The following KIAA1614 variants were observed in gnomAD, a reference collection of about 807,000 sequenced individuals.
The protein encoded by KIAA1614 is KIAA1614.
In KIAA1614, 76 loss-of-function variants were observed where a neutral mutation model predicts 88.7. The ratio of observed to expected loss-of-function variants is 0.86; its 90% CI spans 0.71 to 1.04. KIAA1614 has a LOEUF of 1.04. Ranked by LOEUF, KIAA1614 falls within the 50% of genes least tolerant of loss-of-function variation. The probability of loss-of-function intolerance (pLI) is 0.00; values close to 1 mark genes in which losing one functional copy is unlikely to be tolerated. For missense variants in KIAA1614, 1,553 were observed against 1,582.5 expected (o/e 0.98, Z 0.32); for synonymous variants, 714 against 675.5 (o/e 1.06, Z -0.88).
chr1:180,916,507 T>C lies in KIAA1614; in HGVS notation c.404T>C (p.Leu135Pro). 1 of 1,614,066 alleles carries C rather than the reference T, an allele frequency of 6.2e-7. No homozygotes were observed. Among genetic ancestry groups the C allele is most frequent in the Non-Finnish European group, 8.5e-7 (1 of 1,180,030 alleles). Reference sequence around the variant, plus strand: ...GGGACTCCATCAGAGGGGTCTTTCCTGCCAGGTGCTGTGGTGGCTCCTCGT... The same window carrying C: ...GGGACTCCATCAGAGGGGTCTTTCCCGCCAGGTGCTGTGGTGGCTCCTCGT... ...RAGTPSEGSF[L>P]PGAVVAPRTQ... The change falls in exon 2 of 9, where the codon CTG becomes CCG. Residue 135 changes from leucine to proline, a missense_variant. By Grantham distance (98) the Leu-to-Pro change is moderately conservative (BLOSUM62 -3). Coordinates refer to ENST00000367588, the MANE Select transcript of KIAA1614 (RefSeq NM_020950.2).
intron 4 of KIAA1614, among the ~76,000 whole-genome samples, chr1:180,933,189 C>T (rs1014068545): frequency 1.3e-5 from 2 of 152,136 alleles, no homozygotes; most frequent in Non-Finnish European, 2.9e-5. Flanking sequence ...AAATAGAAGT[C>T]AAATGCTACT....
At position 180,944,453 on chromosome 1, in the gene KIAA1614, G is replaced by T. The variant is rs1654539221; in HGVS notation, c.3224G>T (p.Ser1075Ile). 1.2e-6 allele frequency: 2 copies of T among 1,613,886 alleles called. No homozygotes were observed. The highest frequency in any genetic ancestry group is 2.7e-5 in the African/African-American group (2 of 74,938). The part of the protein sequence containing the change: ...SFQNLHSLLS[S>I]KGNRSSLYLV... The stretch of plus-strand genomic sequence containing the variant: ...CAGAACCTCCATTCTCTGCTGAGCA[G>T]CAAGGGGAACCGGTCCAGCCTCTAC... The change falls in exon 8 of 9, where the codon AGC becomes ATC. Residue 1075 changes from serine to isoleucine, a missense_variant. Transcript: ENST00000367588.
chr1:180,949,158 G>A lies in KIAA1614; in HGVS notation c.*3570G>A, dbSNP rs927338618. The A allele has an allele frequency of 3.3e-5, 5 of 152,346 alleles. No homozygotes were observed. The highest frequency in any genetic ancestry group is 1.2e-4 in the African/African-American group (5 of 41,474). 9.4% of individuals were successfully genotyped at this position (152,346 alleles called of 1,614,324 possible). ...AAGGAAGTGAAGACAGTAACGCGTG[G>A]GCAGTGGCCTCATGTCTGAAATGCA... On this transcript the variant is annotated 3_prime_UTR_variant, in exon 9 of 9. Coordinates refer to ENST00000367588, the MANE Select transcript of KIAA1614 (RefSeq NM_020950.2).
At chr1:180,927,639 C>T (rs1475164101) in intron 3 of KIAA1614, among the ~76,000 whole-genome samples, 2 of 152,186 alleles carry the variant, frequency 1.3e-5, no homozygotes, top group African/African-American at 4.8e-5. Flanking sequence ...GGCTGTATGT[C>T]ACTGGCTGAG....
At position 180,936,566 on chromosome 1, in the gene KIAA1614, C is replaced by A; in HGVS notation, c.2657C>A (p.Pro886His). The A allele has an allele frequency of 6.2e-7, 1 of 1,613,660 alleles. No individual in the cohort carries two copies. Among genetic ancestry groups the A allele is most frequent in the Non-Finnish European group, 8.5e-7 (1 of 1,179,970 alleles). ...LSTNNCNNSA[P>H]RGLQEPYGGA... ...ACCAACAACTGCAACAACAGCGCAC[C>A]TCGGGGGCTGCAGGAGCCCTACGGG... The change falls in exon 5 of 9, where the codon CCT becomes CAT. Residue 886 changes from proline (P) to histidine (H), a missense_variant. Pro to His is a moderately conservative substitution (Grantham distance 77). Coordinates refer to ENST00000367588, the MANE Select transcript of KIAA1614 (RefSeq NM_020950.2).
chr1:180,920,088 G>A (rs1653920781), intron 3 of KIAA1614, among the ~76,000 whole-genome samples: 1 of 152,212 alleles, frequency 6.6e-6, no homozygotes, highest in Non-Finnish European at 1.5e-5. Flanking sequence ...TTGGCGCTCT[G>A]CAGTGAGGTC....
chr1:180,943,435 T>A (rs2102276642), intron 7 of KIAA1614, among the ~76,000 whole-genome samples: 1 of 138,514 alleles, frequency 7.2e-6, no homozygotes, highest in African/African-American at 2.7e-5. Context: ...GCACACCATG[T>A]ACACAGCAGC....
intron 6 of KIAA1614, among the ~76,000 whole-genome samples, chr1:180,940,634 CTTTT>C (rs1284277485): frequency 1.3e-5 from 2 of 151,552 alleles, no homozygotes; most frequent in Non-Finnish European, 2.9e-5. Context: ...TTTTTTCTTT[CTTTT>C]CTTTTCTTTT....
rs755766194 is a variant in KIAA1614 at position 180,942,001 on chromosome 1, GC to G, written c.3159+720del. On this transcript the variant is annotated intron_variant, in intron 7 of 8. Coordinates refer to ENST00000367588, the MANE Select transcript of KIAA1614 (RefSeq NM_020950.2). ...ACTCATCCATCTACTGCAGGCACAC[GC>G]CCCTCAGGGAGCCGCTCCCAATCCT... 2.6e-5 allele frequency among the ~76,000 whole-genome samples: 4 copies of G among 152,098 alleles called. No individual in the cohort carries two copies. The South Asian group carries it at 8.3e-4, about 32-fold the overall frequency.
intron 3 of KIAA1614, among the ~76,000 whole-genome samples, chr1:180,920,463 C>G (rs539488940): frequency 6.6e-6 from 1 of 152,348 alleles, no homozygotes; most frequent in East Asian, 1.9e-4. Flanking sequence ...GGACATCAGT[C>G]AGGACGTGCT....
chr1:180,945,547 G>A lies in KIAA1614; in HGVS notation c.3532G>A (p.Ala1178Thr), dbSNP rs1654573717. 6.2e-7 allele frequency: 1 copy of A among 1,613,602 alleles called. No homozygotes were observed. The highest frequency in any genetic ancestry group is 8.5e-7 in the Non-Finnish European group (1 of 1,179,938). ...GGGCGGCCTTAGCAAACAAGGCAGG[G>A]CCTTCTGGCTGTGGTCAGAGGCTTT... ...GWGGLSKQGR[A>T]FWLWSEAFLV... Residue 1178 changes from alanine to threonine, a missense_variant, in exon 9 of 9, where the codon GCC (alanine) becomes ACC (threonine). Ala to Thr is a moderately conservative substitution (Grantham distance 58). Transcript: ENST00000367588.
rs1571306307 is a variant in KIAA1614 at position 180,949,303 on chromosome 1, A to C, written c.*3715A>C. On this transcript the variant is annotated 3_prime_UTR_variant, in exon 9 of 9. Coordinates refer to ENST00000367588, the MANE Select transcript of KIAA1614 (RefSeq NM_020950.2). ...GCCCCGCAGTCCCTCCAGCAAACTCAGCTTGTGTCTCAGCCCCTGTGTCCA... is the reference window on the plus strand; with the variant it reads ...GCCCCGCAGTCCCTCCAGCAAACTCCGCTTGTGTCTCAGCCCCTGTGTCCA... 2.0e-5 allele frequency: 3 copies of C among 152,384 alleles called. No homozygotes were observed. The South Asian group carries it at 6.2e-4, about 31-fold the overall frequency. 9.4% of individuals were successfully genotyped at this position (152,384 alleles called of 1,614,324 possible).
At position 180,945,742 on chromosome 1, in the gene KIAA1614, G is replaced by C; in HGVS notation, c.*154G>C. ...GCAGCTGAGAGTGCGTTGGTGGGGAGTGTGCGGGAGGGGGTAGAGTTGGCA... is the reference window on the plus strand; with the variant it reads ...GCAGCTGAGAGTGCGTTGGTGGGGACTGTGCGGGAGGGGGTAGAGTTGGCA... On this transcript the variant is annotated 3_prime_UTR_variant, in exon 9 of 9. Transcript: ENST00000367588. 2 of 1,378,254 alleles carry C rather than the reference G, an allele frequency of 1.5e-6. No homozygotes were observed. The highest frequency in any genetic ancestry group is 1.9e-6 in the Non-Finnish European group (2 of 1,076,816). The allele number at this position is 1,378,254 out of a possible 1,614,324, so 85.4% of individuals were successfully genotyped here. A position where few individuals can be genotyped will look rare whatever the true frequency, so the allele number is the denominator to read the frequency against.
chr1:180,944,551 C>CA (rs1349878588), intron 8 of KIAA1614, 35 bp downstream of exon 8: 5 of 1,603,972 alleles, frequency 3.1e-6, no homozygotes, highest in Non-Finnish European at 4.3e-6. Flanking sequence ...AGGATAAACT[C>CA]AGAGAGTGAC....
intron 7 of KIAA1614, among the ~76,000 whole-genome samples, chr1:180,942,375 G>A (rs1007680046): frequency 4.6e-5 from 7 of 152,232 alleles, no homozygotes; most frequent in Non-Finnish European, 1.0e-4. Flanking sequence ...AGTTCAGGTG[G>A]TCTGTTTCTC....
Position 180,946,684 on chromosome 1 carries a change from G to T in KIAA1614, c.*1096G>T, listed in dbSNP as rs1027574508. 3 of 152,240 alleles carry T rather than the reference G, an allele frequency of 2.0e-5. No homozygotes were observed. Among genetic ancestry groups the T allele is most frequent in the Non-Finnish European group, 2.9e-5 (2 of 68,050 alleles). 9.4% of individuals were successfully genotyped at this position (152,240 alleles called of 1,614,324 possible). On this transcript the variant is annotated 3_prime_UTR_variant, in exon 9 of 9. Coordinates refer to ENST00000367588, the MANE Select transcript of KIAA1614 (RefSeq NM_020950.2). ...CTGCGGCCGGGCTCTGCCGATGGGG[G>T]GTTGAGTCCTGTGCTTTGATCTCCT...
intron 4 of KIAA1614, among the ~76,000 whole-genome samples, chr1:180,932,092 T>G (rs943652500): frequency 1.3e-5 from 2 of 152,086 alleles, no homozygotes; most frequent in African/African-American, 4.8e-5. Context: ...TAGATACAAG[T>G]ACAGGTAGGG....
rs575936840 is a variant in KIAA1614 at position 180,947,217 on chromosome 1, G to A, written c.*1629G>A. 6.6e-6 allele frequency: 1 copy of A among 152,532 alleles called. No individual in the cohort carries two copies. Among genetic ancestry groups the A allele is most frequent in the African/African-American group, 2.4e-5 (1 of 41,586 alleles). The allele number at this position is 152,532 out of a possible 1,614,324, so 9.4% of individuals were successfully genotyped here. ...GGGTCAGGCTGGACACTGCAGAGCA[G>A]GCAACGGGTTGGGAGGAGCAGAGTT... On this transcript the variant is annotated 3_prime_UTR_variant, in exon 9 of 9. Transcript: ENST00000367588.
intron 4 of KIAA1614, among the ~76,000 whole-genome samples, chr1:180,934,774 C>T (rs1452670510): frequency 1.3e-4 from 20 of 152,134 alleles, no homozygotes; most frequent in Admixed American, 1.0e-3. Context: ...ACACAGACGC[C>T]GCACCACCCC....
Sources: allele counts gnomAD v4.1 joint callset (sites outside exome capture counted in the v4.1 genomes callset), GRCh38; gene constraint gnomAD v4.1.1; transcripts MANE v1.5; gene names NCBI Gene and HGNC (gene_info 2026-07-23, HGNC 2026-07-21).